GLYAT: variants seen among roughly 807,000 people sequenced by gnomAD.
GLYAT encodes the protein glycine N-acyltransferase.
Under a neutral mutation model 22.8 loss-of-function variants are expected in GLYAT, and 25 were observed. The ratio of observed to expected loss-of-function variants is 1.09; its 90% CI spans 0.80 to 1.53. The LOEUF is 1.53. GLYAT is among the 40% of genes most tolerant of loss of function. The pLI is 0.00. For synonymous variants in GLYAT, 140 were observed against 122.7 expected (o/e 1.14, Z -0.93); for missense variants, 411 against 353.9 (o/e 1.16, Z -1.29).
At chr11:58,731,713 T>C (rs779045386) in intron 1 of GLYAT, 122 bp downstream of exon 1, 8 of 152,158 alleles carry the variant, frequency 5.3e-5, no homozygotes. Context: ...GCAGCTAAAC[T>C]CCACTCATGT....
chr11:58,709,571 C>G lies in GLYAT; in HGVS notation c.*195G>C, dbSNP rs1565053113. On this transcript the variant is annotated 3_prime_UTR_variant, in exon 6 of 6. Transcript: ENST00000344743. ...TATGTCAAATGTAAGAGGACCTGGGCCTGCTTCCCACTGAGAAACCTGTGA... is the reference window on the plus strand; with the variant it reads ...TATGTCAAATGTAAGAGGACCTGGGGCTGCTTCCCACTGAGAAACCTGTGA... 3 of 542,676 alleles carry G rather than the reference C, an allele frequency of 5.5e-6. No homozygotes were observed. The highest frequency in any genetic ancestry group is 9.5e-6 in the Non-Finnish European group (3 of 315,630). The allele number at this position is 542,676 out of a possible 1,614,324, so 33.6% of individuals were successfully genotyped here. A position where few individuals can be genotyped will look rare whatever the true frequency, so the allele number is the denominator to read the frequency against.
intron 1 of GLYAT, chr11:58,728,820 A>G (rs892019400): frequency 6.1e-5 from 9 of 147,904 alleles, no homozygotes; most frequent in African/African-American, 1.3e-4. Flanking sequence ...GAGAGAGAGA[A>G]AGAAAAAGAA....
At chr11:58,713,476 A>G (rs1296197011) in intron 3 of GLYAT, among the ~76,000 whole-genome samples, 1 of 152,152 alleles carries the variant, frequency 6.6e-6, no homozygotes, top group East Asian at 1.9e-4. Context: ...AAATTTTACT[A>G]CAGTTCAAAG....
chr11:58,715,487 T>A, intron 2 of GLYAT, 64 bp from the exon 3 acceptor site: 6 of 733,744 alleles, frequency 8.2e-6, no homozygotes, highest in Non-Finnish European at 1.4e-5. Flanking sequence ...GTTTCTTGCT[T>A]GATTAGGACA....
At chr11:58,724,559 G>C in intron 1 of GLYAT, 48 bp from the exon 2 acceptor site, 9 of 1,024,540 alleles carry the variant, frequency 8.8e-6, no homozygotes, top group Non-Finnish European at 1.3e-5. Context: ...AGCTAGAGGA[G>C]ATTCTGAAAC....
intron 4 of GLYAT, among the ~76,000 whole-genome samples, chr11:58,711,365 G>T (rs1285825406): frequency 6.6e-6 from 1 of 152,180 alleles, no homozygotes; most frequent in Non-Finnish European, 1.5e-5. Flanking sequence ...CCTCTGTTCA[G>T]TTCTCATGGC....
intron 2 of GLYAT, among the ~76,000 whole-genome samples, chr11:58,717,760 T>A (rs1200808264): frequency 6.6e-6 from 1 of 152,064 alleles, no homozygotes; most frequent in Non-Finnish European, 1.5e-5. Context: ...CAAATTATGG[T>A]AGGACTGGTT....
intron 2 of GLYAT, among the ~76,000 whole-genome samples, chr11:58,720,565 C>T (rs542079364): frequency 2.6e-5 from 4 of 152,132 alleles, no homozygotes; most frequent in African/African-American, 9.6e-5. Flanking sequence ...TATAGTTTAG[C>T]TTTGAAACAA....
chr11:58,727,381 C>T (rs1856821473), intron 1 of GLYAT, among the ~76,000 whole-genome samples: 1 of 152,152 alleles, frequency 6.6e-6, no homozygotes, highest in Admixed American at 6.5e-5. Flanking sequence ...GACTTGTCTT[C>T]AAGCCAGACA....
At chr11:58,730,927 T>C (rs1318895007) in intron 1 of GLYAT, among the ~76,000 whole-genome samples, 2 of 152,070 alleles carry the variant, frequency 1.3e-5, no homozygotes, top group East Asian at 1.9e-4. Context: ...CCTACAGACA[T>C]AATATATAAT....
chr11:58,710,521 T>G, intron 5 of GLYAT, 69 bp downstream of exon 5: 2 of 1,147,826 alleles, frequency 1.7e-6, no homozygotes, highest in South Asian at 1.3e-5. Flanking sequence ...CCAGAGTGAA[T>G]GCAGGGAGAG....
rs78546074 is a variant in GLYAT at position 58,719,572 on chromosome 11, G to A, written c.82-4149C>T. Among the ~76,000 whole-genome samples the A allele has an allele frequency of 7.9e-3, 1,197 of 152,040 alleles. 22 individuals are homozygous for A. Among genetic ancestry groups the A allele is most frequent in the African/African-American group, 0.026 (1,087 of 41,522 alleles). ...ACTCTTACATGCCCAACTCCTCCAT[G>A]ATAGTCCCTGGGCCTTGAGGAGTTG... is the stretch of plus-strand genomic sequence containing the variant. On this transcript the variant is annotated intron_variant, in intron 2 of 5. Transcript: ENST00000344743.
intron 2 of GLYAT, among the ~76,000 whole-genome samples, chr11:58,723,292 A>T (rs1332094206): frequency 2.0e-5 from 3 of 152,058 alleles, no homozygotes; most frequent in East Asian, 3.9e-4. Context: ...TATCTTAAGG[A>T]TTGTCATGTG....
At chr11:58,710,844 ATTTAG>A in intron 4 of GLYAT, 83 bp from the exon 5 acceptor site, 1 of 813,014 alleles carries the variant, frequency 1.2e-6, no homozygotes, top group Non-Finnish European at 2.1e-6. Flanking sequence ...AGTGTCTGGG[ATTTAG>A]TATCATAAAA....
At chr11:58,710,243 A>G in intron 5 of GLYAT, 75 bp from the exon 6 acceptor site, 1 of 1,517,962 alleles carries the variant, frequency 6.6e-7, no homozygotes, top group East Asian at 2.3e-5. Flanking sequence ...TATTGTCTTG[A>G]GAGACAGAGT....
At chr11:58,729,286 T>A (rs1856847849) in intron 1 of GLYAT, among the ~76,000 whole-genome samples, 1 of 152,212 alleles carries the variant, frequency 6.6e-6, no homozygotes, top group Non-Finnish European at 1.5e-5. Context: ...CTGTTATCCC[T>A]AGTGCTCTTT....
chr11:58,709,786 A>C lies in GLYAT; in HGVS notation c.871T>G (p.Trp291Gly). ...TGGCATCACAGAGGTACACAGTTCC[A>C]CTGGTTCCAGCTTCTGGGAATGGGA... ...HVPIPRSWNQ[W>G]NCVPL The change falls in exon 6 of 6, where the codon TGG becomes GGG. Residue 291 changes from tryptophan (W) to glycine (G), a missense_variant. Physicochemically the swap from Trp to Gly is radical, Grantham distance 184 (BLOSUM62 -2). Coordinates refer to ENST00000344743, the MANE Select transcript of GLYAT (RefSeq NM_201648.3). 6.2e-7 allele frequency: 1 copy of C among 1,612,148 alleles called. No homozygotes were observed. Among genetic ancestry groups the C allele is most frequent in the Non-Finnish European group, 8.5e-7 (1 of 1,178,898 alleles).
intron 3 of GLYAT, among the ~76,000 whole-genome samples, chr11:58,714,388 CTGA>C (rs1266400200): frequency 6.6e-6 from 1 of 152,048 alleles, no homozygotes; most frequent in African/African-American, 2.4e-5. Flanking sequence ...TTTGTGTTTT[CTGA>C]TGTTTTGAAA....
chr11:58,731,694 A>G (rs1463080448), intron 1 of GLYAT, 141 bp downstream of exon 1: 1 of 152,150 alleles, frequency 6.6e-6, no homozygotes, highest in Non-Finnish European at 1.5e-5. Flanking sequence ...CGTTGTTTTT[A>G]TGTAAAGAGC....
Sources: gnomAD v4.1 joint callset for allele counts (sites outside exome capture counted in the v4.1 genomes callset) on GRCh38, gnomAD v4.1.1 for gene constraint, MANE v1.5 for transcripts, NCBI Gene and HGNC (gene_info 2026-07-23, HGNC 2026-07-21) for gene names.